The following HMCN1 variants were observed in gnomAD, a reference collection of about 807,000 sequenced individuals.
HMCN1 encodes hemicentin-1.
Under a neutral mutation model 625.9 loss-of-function variants are expected in HMCN1, and 321 were observed. That is an observed-to-expected ratio of 0.51 (90% CI 0.47 to 0.56). The LOEUF (loss-of-function observed/expected upper bound fraction) is 0.56. HMCN1 is among the 20% of genes least tolerant of loss of function. The probability of loss-of-function intolerance (pLI) is 0.00; values close to 1 mark genes in which losing one functional copy is unlikely to be tolerated. For missense variants in HMCN1, 6,588 were observed against 6,887.3 expected (o/e 0.96, Z 1.54); for synonymous variants, 2,425 against 2,417.6 (o/e 1.00, Z -0.09).
At chr1:185,743,315 C>G (rs985592239) in intron 1 of HMCN1, among the ~76,000 whole-genome samples, 1 of 152,164 alleles carries the variant, frequency 6.6e-6, no homozygotes, top group Non-Finnish European at 1.5e-5. Flanking sequence ...GAATACAATT[C>G]ACAACATAAT....
In HMCN1 at chr1:186,045,869, G is replaced by T; in HGVS notation, c.6480+6G>T. ...AAAATAGAAGTGTGTTAAAGGTAAG[G>T]ATATGGATTCATTTATTTTACCTTA... On this transcript the variant is annotated splice_donor_region_variant and intron_variant, in intron 41 of 106. Coordinates refer to ENST00000271588, the MANE Select transcript of HMCN1 (RefSeq NM_031935.3). 6.3e-7 allele frequency: 1 copy of T among 1,594,090 alleles called. No individual in the cohort carries two copies. Among genetic ancestry groups the T allele is most frequent in the Non-Finnish European group, 8.6e-7 (1 of 1,162,152 alleles).
At chr1:185,842,767 GACA>G (rs915261039) in intron 1 of HMCN1, among the ~76,000 whole-genome samples, 2 of 151,766 alleles carry the variant, frequency 1.3e-5, no homozygotes, top group African/African-American at 4.8e-5. Context: ...CTAGGCATGT[GACA>G]ACAAAGCATG....
rs1656165980 is a variant in HMCN1, at chr1:186,040,999, C to T, written c.6181-14C>T. On this transcript the variant is annotated splice_polypyrimidine_tract_variant and intron_variant, in intron 39 of 106. Transcript: ENST00000271588. ...AGAGACATATTGGTTATTTAGCGTT[C>T]TTACCATTGATAGGTTCTCTCTGGT... is the stretch of plus-strand genomic sequence containing the variant. 6.2e-7 allele frequency: 1 copy of T among 1,612,152 alleles called. No individual in the cohort carries two copies. The highest frequency in any genetic ancestry group is 8.5e-7 in the Non-Finnish European group (1 of 1,178,672).
intron 6 of HMCN1, among the ~76,000 whole-genome samples, chr1:185,915,495 G>A (rs1021482401): frequency 6.6e-6 from 1 of 152,002 alleles, no homozygotes; most frequent in African/African-American, 2.4e-5. Flanking sequence ...TTATCAGTGT[G>A]ATCATTTAAT....
At chr1:185,823,150 A>G (rs2102272682) in intron 1 of HMCN1, among the ~76,000 whole-genome samples, 1 of 152,040 alleles carries the variant, frequency 6.6e-6, no homozygotes, top group Middle Eastern at 3.4e-3. Flanking sequence ...TCACATATGG[A>G]CCCAAATTTA....
intron 46 of HMCN1, among the ~76,000 whole-genome samples, chr1:186,061,572 A>C (rs1176613052): frequency 2.0e-5 from 3 of 152,196 alleles, no homozygotes; most frequent in Non-Finnish European, 4.4e-5. Context: ...TTTTAAGATC[A>C]TATTCAAACA....
intron 2 of HMCN1, among the ~76,000 whole-genome samples, chr1:185,853,005 A>C (rs1201260006): frequency 1.3e-5 from 2 of 152,110 alleles, no homozygotes; most frequent in Non-Finnish European, 2.9e-5. Flanking sequence ...GCTGGTCTCA[A>C]AATAAGGTAT....
Position 186,174,707 on chromosome 1 carries a change from G to A in HMCN1, c.15943+65G>A, listed in dbSNP as rs756639440. On this transcript the variant is annotated intron_variant, in intron 103 of 106. Coordinates refer to ENST00000271588, the MANE Select transcript of HMCN1 (RefSeq NM_031935.3). ...TGTAGTTACCTAGCCTTACCAACTCGCTTAGGGCCACTTTCTCTATCCTCA... is the reference window on the plus strand; with the variant it reads ...TGTAGTTACCTAGCCTTACCAACTCACTTAGGGCCACTTTCTCTATCCTCA... 3.2e-5 allele frequency: 47 copies of A among 1,454,880 alleles called. 1 individual carries two copies. In the Middle Eastern group the frequency reaches 3.0e-3, roughly 93 times the overall value. 90.1% of individuals were successfully genotyped at this position (1,454,880 alleles called of 1,614,324 possible). A position where few individuals can be genotyped will look rare whatever the true frequency, so the allele number is the denominator to read the frequency against.
chr1:186,186,769 A>G (rs1369717403), intron 105 of HMCN1, among the ~76,000 whole-genome samples: 1 of 152,130 alleles, frequency 6.6e-6, no homozygotes, highest in African/African-American at 2.4e-5. Context: ...ATGGAAAATG[A>G]GATTATGGGA....
Position 186,052,970 on chromosome 1 carries a change from G to A in HMCN1, c.6596G>A (p.Gly2199Asp), listed in dbSNP as rs1188093795. The A allele has an allele frequency of 1.2e-6, 2 of 1,605,916 alleles. No individual in the cohort carries two copies. Among genetic ancestry groups the A allele is most frequent in the Non-Finnish European group, 1.7e-6 (2 of 1,173,518 alleles). Residue 2199 changes from glycine (G) to aspartate (D), a missense_variant, in exon 43 of 107, where the codon GGT becomes GAT. Coordinates refer to ENST00000271588, the MANE Select transcript of HMCN1 (RefSeq NM_031935.3). ...TTTCTAGTCCCCCCAAATATTGGTG[G>A]TTCTGATGAACTTACTCAACTTACA... is the stretch of plus-strand genomic sequence containing the variant. The part of the protein sequence containing the change: ...VNIWVPPNIG[G>D]SDELTQLTVI...
chr1:185,747,597 G>A (rs1270520646), intron 1 of HMCN1, among the ~76,000 whole-genome samples: 1 of 152,116 alleles, frequency 6.6e-6, no homozygotes, highest in South Asian at 2.1e-4. Context: ...TGGGATTATA[G>A]GCATGAGCCA....
chr1:186,110,977 C>CTTTTTCTTTTTTTTTTT (rs1660848196), intron 71 of HMCN1, among the ~76,000 whole-genome samples: 1 of 61,648 alleles, frequency 1.6e-5, no homozygotes, highest in African/African-American at 9.8e-5. Flanking sequence ...AGAGAAAATT[C>CTTTTTCTTTTTTTTTTT]TTTTTTTTTT....
At chr1:186,103,006 A>C (rs916613593) in intron 68 of HMCN1, among the ~76,000 whole-genome samples, 9 of 152,162 alleles carry the variant, frequency 5.9e-5, no homozygotes, top group Non-Finnish European at 8.8e-5. Context: ...TCTTCTGCTT[A>C]GTCATTGTTT....
At chr1:186,119,426 G>T (rs1459009915) in intron 78 of HMCN1, 128 bp downstream of exon 78, 2 of 797,670 alleles carry the variant, frequency 2.5e-6, no homozygotes, top group Non-Finnish European at 2.2e-6. Flanking sequence ...GGATATGAAA[G>T]CCTGGTAGAT....
At chr1:185,931,189 C>G (rs1385519234) in intron 10 of HMCN1, among the ~76,000 whole-genome samples, 1 of 152,084 alleles carries the variant, frequency 6.6e-6, no homozygotes, top group Admixed American at 6.6e-5. Flanking sequence ...CCTCCTGATT[C>G]TCAGTCTCAT....
chr1:186,060,994 C>G (rs1657651710), intron 46 of HMCN1, among the ~76,000 whole-genome samples: 1 of 152,100 alleles, frequency 6.6e-6, no homozygotes, highest in Admixed American at 6.6e-5. Context: ...CTTAGCATAG[C>G]ATTCATGGGC....
At chr1:186,157,637 G>C (rs1375790658) in intron 97 of HMCN1, among the ~76,000 whole-genome samples, 1 of 152,096 alleles carries the variant, frequency 6.6e-6, no homozygotes, top group African/African-American at 2.4e-5. Context: ...TCCCCTTCCT[G>C]TGTCCATGTG....
intron 1 of HMCN1, among the ~76,000 whole-genome samples, chr1:185,760,492 C>T (rs550559550): frequency 6.6e-6 from 1 of 152,268 alleles, no homozygotes; most frequent in African/African-American, 2.4e-5. Context: ...GAGGCAGAGT[C>T]ATTGTTTGAT....
At chr1:185,799,862 A>T (rs576408674) in intron 1 of HMCN1, among the ~76,000 whole-genome samples, 3 of 152,110 alleles carry the variant, frequency 2.0e-5, no homozygotes, top group Non-Finnish European at 4.4e-5. Context: ...GTCTCAGGTG[A>T]TGGGTGGGGC....
Sources: gnomAD v4.1 joint callset for allele counts (sites outside exome capture counted in the v4.1 genomes callset) on GRCh38, gnomAD v4.1.1 for gene constraint, MANE v1.5 for transcripts, NCBI Gene and HGNC (gene_info 2026-07-23, HGNC 2026-07-21) for gene names.